Variants in PCCA observed in about 807,000 individuals in gnomAD.
PCCA encodes propionyl-CoA carboxylase alpha chain, mitochondrial.
In PCCA, 74 loss-of-function variants were observed where a neutral mutation model predicts 101.3. That is an observed-to-expected ratio of 0.73 (90% CI 0.61 to 0.89). The LOEUF (loss-of-function observed/expected upper bound fraction) is 0.89, where lower values mean the gene tolerates loss of function less well. Ranked by LOEUF, PCCA falls within the 40% of genes least tolerant of loss-of-function variation. The probability of loss-of-function intolerance (pLI) is 0.00; values close to 1 mark genes in which losing one functional copy is unlikely to be tolerated. For missense variants in PCCA, 891 were observed against 907.0 expected (o/e 0.98, Z 0.23); for synonymous variants, 294 against 313.6 (o/e 0.94, Z 0.66).
chr13:100,243,651 G>T lies in PCCA; in HGVS notation c.637+7773G>T, dbSNP rs553678543. Among the ~76,000 whole-genome samples the T allele has an allele frequency of 4.5e-4, 69 of 152,280 alleles. No individual in the cohort carries two copies. In the South Asian group the frequency reaches 0.014, roughly 30 times the overall value. On this transcript the variant is annotated intron_variant, in intron 8 of 23. Transcript: ENST00000376285. Reference sequence around the variant, plus strand: ...GAATCTAAGATTCAAATGTATGAAAGTCTTTTACTGAACCTTATTGCCTTT... The same window carrying T: ...GAATCTAAGATTCAAATGTATGAAATTCTTTTACTGAACCTTATTGCCTTT...
At chr13:100,524,987 A>ATGGATAGATG (rs58963772) in intron 22 of PCCA, among the ~76,000 whole-genome samples, 2 of 56,262 alleles carry the variant, frequency 3.6e-5, no homozygotes, top group African/African-American at 1.0e-4. Flanking sequence ...TAAGATGGAT[A>ATGGATAGATG]GATAGATAGA....
chr13:100,469,915 A>G (rs2082863835), intron 21 of PCCA, among the ~76,000 whole-genome samples: 1 of 152,226 alleles, frequency 6.6e-6, no homozygotes, highest in African/African-American at 2.4e-5. Context: ...CCCCTGCTGC[A>G]TGTAATGGGA....
At chr13:100,153,037 C>T (rs1285368235) in intron 4 of PCCA, among the ~76,000 whole-genome samples, 1 of 151,868 alleles carries the variant, frequency 6.6e-6, no homozygotes, top group Non-Finnish European at 1.5e-5. Context: ...ATTAAGAAGA[C>T]TTTATGTAGG....
intron 18 of PCCA, among the ~76,000 whole-genome samples, chr13:100,340,513 C>A (rs903305087): frequency 1.3e-5 from 2 of 151,994 alleles, no homozygotes; most frequent in Non-Finnish European, 2.9e-5. Context: ...GTCTGAAATC[C>A]GATGGGAAAT....
At chr13:100,367,903 A>G (rs531597582) in intron 18 of PCCA, among the ~76,000 whole-genome samples, 29 of 152,082 alleles carry the variant, frequency 1.9e-4, no homozygotes, top group African/African-American at 6.7e-4. Flanking sequence ...GGTTGCAGTG[A>G]GCCGAAATCG....
intron 12 of PCCA, among the ~76,000 whole-genome samples, chr13:100,283,242 G>T (rs1161104107): frequency 6.6e-6 from 1 of 152,168 alleles, no homozygotes; most frequent in African/African-American, 2.4e-5. Context: ...TGGTATCTTA[G>T]TCAAGTAAAT....
chr13:100,292,933 T>TTGTGTGTGTGTGTG (rs1282926029), intron 12 of PCCA, among the ~76,000 whole-genome samples: 2 of 17,998 alleles, frequency 1.1e-4, no homozygotes, highest in African/African-American at 2.3e-4. Context: ...CTTTCCAAAT[T>TTGTGTGTGTGTGTG]CGTGTGTGTG....
At chr13:100,372,992 C>T (rs931294892) in intron 19 of PCCA, among the ~76,000 whole-genome samples, 1 of 152,214 alleles carries the variant, frequency 6.6e-6, no homozygotes. Context: ...GATCCACCCA[C>T]TTCGGCCTCC....
At chr13:100,319,779 A>T (rs571079765) in intron 16 of PCCA, among the ~76,000 whole-genome samples, 32 of 152,272 alleles carry the variant, frequency 2.1e-4, no homozygotes, top group Middle Eastern at 6.8e-3. Context: ...TGATGCCTCC[A>T]GGTTTGTTCT....
chr13:100,160,510 A>AG, intron 6 of PCCA, among the ~76,000 whole-genome samples: 1 of 127,792 alleles, frequency 7.8e-6, no homozygotes, highest in East Asian at 1.9e-4. Context: ...CTAAAAAAGA[A>AG]AAAAAAAAAA....
At chr13:100,519,248 C>G (rs1279071279) in intron 22 of PCCA, among the ~76,000 whole-genome samples, 1 of 152,240 alleles carries the variant, frequency 6.6e-6, no homozygotes, top group African/African-American at 2.4e-5. Flanking sequence ...GCATTTCTTT[C>G]TTTCTTAACA....
intron 16 of PCCA, among the ~76,000 whole-genome samples, chr13:100,311,369 C>CT (rs2066904567): frequency 6.6e-6 from 1 of 152,046 alleles, no homozygotes; most frequent in Admixed American, 6.6e-5. Flanking sequence ...TGAGGATTAA[C>CT]TGAGGTTAAG....
intron 16 of PCCA, among the ~76,000 whole-genome samples, chr13:100,320,354 A>G (rs1372507995): frequency 6.6e-6 from 1 of 152,178 alleles, no homozygotes; most frequent in African/African-American, 2.4e-5. Flanking sequence ...AGAACTTCCA[A>G]CACTATGTTG....
chr13:100,264,336 C>T (rs1035257357), intron 10 of PCCA, among the ~76,000 whole-genome samples: 1 of 151,958 alleles, frequency 6.6e-6, no homozygotes, highest in African/African-American at 2.4e-5. Context: ...AATTTCTATA[C>T]ACACACATCT....
At chr13:100,422,090 C>CT (rs2078828827) in intron 19 of PCCA, among the ~76,000 whole-genome samples, 4 of 129,338 alleles carry the variant, frequency 3.1e-5, no homozygotes, top group South Asian at 5.0e-4. Context: ...TTCTTTCTTT[C>CT]TTTCTTTCTT....
intron 16 of PCCA, 26 bp downstream of exon 16, chr13:100,309,934 G>T: frequency 6.5e-7 from 1 of 1,540,018 alleles, no homozygotes; most frequent in East Asian, 2.2e-5. Flanking sequence ...TGCACTCGTT[G>T]GTTATTGTAT....
chr13:100,395,106 G>A (rs1259658904), intron 19 of PCCA, among the ~76,000 whole-genome samples: 2 of 152,112 alleles, frequency 1.3e-5, no homozygotes, highest in African/African-American at 4.8e-5. Flanking sequence ...AATCCTAAAA[G>A]CAAATTTCAG....
chr13:100,217,507 AGACTT>A (rs2059585544), intron 7 of PCCA, among the ~76,000 whole-genome samples: 1 of 152,146 alleles, frequency 6.6e-6, no homozygotes, highest in Non-Finnish European at 1.5e-5. Context: ...GACTTTAGAT[AGACTT>A]AACATTGGAC....
chr13:100,351,700 T>C (rs1324655171), intron 18 of PCCA, among the ~76,000 whole-genome samples: 1 of 152,212 alleles, frequency 6.6e-6, no homozygotes, highest in South Asian at 2.1e-4. Context: ...ACTTTAGAAC[T>C]ACCTTTTCCT....
Sources: allele counts gnomAD v4.1 joint callset (sites outside exome capture counted in the v4.1 genomes callset), GRCh38; gene constraint gnomAD v4.1.1; transcripts MANE v1.5; gene names NCBI Gene and HGNC (gene_info 2026-07-23, HGNC 2026-07-21).